DST: variants seen among roughly 807,000 people sequenced by gnomAD.
DST encodes dystonin.
A neutral mutation model predicts 875.2 loss-of-function variants in DST; 253 were observed. That is an observed-to-expected ratio of 0.29 (90% CI 0.26 to 0.32). The LOEUF is 0.32. Among genes scored for constraint, DST ranks in the 10% least tolerant of loss-of-function variants. The probability of loss-of-function intolerance (pLI) is 1.00; values close to 1 mark genes in which losing one functional copy is unlikely to be tolerated. For missense variants in DST, 8,287 were observed against 9,111.6 expected (o/e 0.91, Z 3.68); for synonymous variants, 3,124 against 3,197.1 (o/e 0.98, Z 0.77).
At chr6:56,529,419 A>G (rs1440275267) in intron 66 of DST, 29 bp downstream of exon 66, 1 of 1,396,642 alleles carries the variant, frequency 7.2e-7, no homozygotes, top group Non-Finnish European at 9.4e-7. Flanking sequence ...AAATGAAAAA[A>G]TAAGATAAAA....
At chr6:56,795,115 G>A (rs1006842407) in intron 4 of DST, among the ~76,000 whole-genome samples, 1 of 152,258 alleles carries the variant, frequency 6.6e-6, no homozygotes, top group Admixed American at 6.5e-5. Context: ...GCAAGGAAGG[G>A]AGATAAAAAG....
chr6:56,476,451 T>A, intron 91 of DST, 114 bp from the exon 92 acceptor site: 1 of 919,422 alleles, frequency 1.1e-6, no homozygotes, highest in Non-Finnish European at 1.6e-6. Context: ...GCTAGACCCA[T>A]AATGCTTCTG....
At chr6:56,641,672 A>G (rs1342837057) in intron 17 of DST, among the ~76,000 whole-genome samples, 6 of 152,214 alleles carry the variant, frequency 3.9e-5, no homozygotes, top group Non-Finnish European at 5.9e-5. Context: ...AAATGTATGC[A>G]TGTAACTTAC....
At chr6:56,649,331 T>C (rs886993630) in intron 12 of DST, among the ~76,000 whole-genome samples, 1 of 152,202 alleles carries the variant, frequency 6.6e-6, no homozygotes, top group African/African-American at 2.4e-5. Flanking sequence ...CTTTAAGATA[T>C]AATACCTATT....
intron 63 of DST, among the ~76,000 whole-genome samples, chr6:56,534,205 T>A (rs866344315): frequency 3.9e-5 from 6 of 152,114 alleles, no homozygotes; most frequent in South Asian, 2.1e-4. Context: ...TTAAAAAAAA[T>A]TAATGTAAAA....
intron 4 of DST, among the ~76,000 whole-genome samples, chr6:56,832,269 G>C (rs2099788063): frequency 6.6e-6 from 1 of 152,206 alleles, no homozygotes; most frequent in Non-Finnish European, 1.5e-5. Context: ...GAGGGACCCA[G>C]TGGGAGGTAA....
At chr6:56,557,650 T>C in intron 58 of DST, 132 bp from the exon 59 acceptor site, 1 of 733,382 alleles carries the variant, frequency 1.4e-6, no homozygotes, top group Admixed American at 3.0e-5. Flanking sequence ...TCTTGTTACA[T>C]AGTTACTTAA....
intron 4 of DST, among the ~76,000 whole-genome samples, chr6:56,759,468 A>C (rs184167272): frequency 5.5e-4 from 84 of 152,272 alleles, no homozygotes; most frequent in Non-Finnish European, 1.0e-3. Context: ...ATAAATAAAT[A>C]AATCAAAAAC....
chr6:56,597,889 C>G lies in DST; in HGVS notation c.12046G>C (p.Glu4016Gln). ...RAGTKHKQVI[E>Q]QNGTHFQEGD... ...TCTTGAAAATGGGTCCCGTTCTGTTCGATTACCTGTTTGTGTTTTGTCCCT... is the reference window on the plus strand; with the variant it reads ...TCTTGAAAATGGGTCCCGTTCTGTTGGATTACCTGTTTGTGTTTTGTCCCT... Residue 4016 changes from glutamate (E) to glutamine (Q), a missense_variant, in exon 47 of 104, where the codon GAA (glutamate) becomes CAA (glutamine). Physicochemically the swap from Glu to Gln is conservative, Grantham distance 29. Coordinates refer to ENST00000680361, the MANE Select transcript of DST (RefSeq NM_001374736.1). 2 of 1,613,732 alleles carry G rather than the reference C, an allele frequency of 1.2e-6. No homozygotes were observed. Among genetic ancestry groups the G allele is most frequent in the Non-Finnish European group, 8.5e-7 (1 of 1,179,752 alleles).
chr6:56,812,110 AAAAG>A (rs1219774261), intron 4 of DST, among the ~76,000 whole-genome samples: 23 of 59,264 alleles, frequency 3.9e-4, no homozygotes, highest in African/African-American at 1.2e-3. Flanking sequence ...TCAAAAAAAA[AAAAG>A]AAAAGAAAAG....
chr6:56,570,862 T>C (rs2097769717), intron 53 of DST, among the ~76,000 whole-genome samples: 1 of 152,194 alleles, frequency 6.6e-6, no homozygotes, highest in East Asian at 1.9e-4. Flanking sequence ...CCCCTTTATG[T>C]GATGCTGAAT....
Position 56,618,304 on chromosome 6 carries a change from AG to A in DST, c.4930-3821del. On this transcript the variant is annotated intron_variant, in intron 36 of 103. Coordinates refer to ENST00000680361, the MANE Select transcript of DST (RefSeq NM_001374736.1). Reference sequence around the variant, plus strand: ...GTGGTTCTTGAGTCCATCTCAACAGAGGGGATCTGGGTGTTGGGTGAAGGTG... The same window carrying A: ...GTGGTTCTTGAGTCCATCTCAACAGAGGGATCTGGGTGTTGGGTGAAGGTG... 7 of 1,614,044 alleles carry A rather than the reference AG, an allele frequency of 4.3e-6. No individual in the cohort carries two copies. Among genetic ancestry groups the A allele is most frequent in the Non-Finnish European group, 5.9e-6 (7 of 1,179,996 alleles).
chr6:56,561,269 C>G (rs1038513835), intron 57 of DST, 39 bp downstream of exon 57: 2 of 1,561,058 alleles, frequency 1.3e-6, no homozygotes, highest in Admixed American at 1.9e-5. Flanking sequence ...CTAATCCATT[C>G]TCTTTCATGT....
intron 2 of DST, among the ~76,000 whole-genome samples, chr6:56,947,486 G>A (rs1357258112): frequency 6.6e-6 from 1 of 152,096 alleles, no homozygotes; most frequent in Admixed American, 6.5e-5. Flanking sequence ...CTGATCTTGT[G>A]ATTCACCCAC....
chr6:56,581,503 G>A (rs985841324), intron 49 of DST, among the ~76,000 whole-genome samples: 25 of 152,142 alleles, frequency 1.6e-4, no homozygotes, highest in Non-Finnish European at 2.2e-4. Flanking sequence ...AGCAGTCCCC[G>A]CGTATCTCTG....
chr6:56,865,680 G>T (rs1773660399), intron 3 of DST, among the ~76,000 whole-genome samples: 2 of 151,998 alleles, frequency 1.3e-5, no homozygotes, highest in African/African-American at 4.8e-5. Flanking sequence ...GAAAGTAAAA[G>T]CTCATTACTG....
chr6:56,611,603 G>C lies in DST; in HGVS notation c.5059-7C>G. 5 of 1,585,532 alleles carry C rather than the reference G, an allele frequency of 3.2e-6. No individual in the cohort carries two copies. Among genetic ancestry groups the C allele is most frequent in the Non-Finnish European group, 4.3e-6 (5 of 1,156,432 alleles). The stretch of plus-strand genomic sequence containing the variant: ...ATATTTCCTCACTGGAAATCTGTAA[G>C]GTAAAGAAGGCACATTCAAACTCTT... On this transcript the variant is annotated splice_polypyrimidine_tract_variant and splice_region_variant and intron_variant, in intron 37 of 103. Transcript: ENST00000680361.
Position 56,485,323 on chromosome 6 carries a change from C to G in DST, c.21196G>C (p.Asp7066His), listed in dbSNP as rs771523826. 1.9e-6 allele frequency: 3 copies of G among 1,613,546 alleles called. No homozygotes were observed. The change falls in exon 88 of 104, where the codon GAT (aspartate) becomes CAT (histidine). Residue 7066 changes from aspartate to histidine, a missense_variant. Asp to His is a moderately conservative substitution (Grantham distance 81). Transcript: ENST00000680361. The part of the protein sequence containing the change: ...GDIDLVMNLI[D>H]NHKAFQKELG... ...CCAGATAACAATACCTTGTGATTAT[C>G]GATCAGATTCATCACCAAATCAATG...
intron 5 of DST, among the ~76,000 whole-genome samples, chr6:56,709,582 A>G (rs958419520): frequency 1.3e-5 from 2 of 152,198 alleles, no homozygotes; most frequent in African/African-American, 4.8e-5. Flanking sequence ...TTGACTTCCC[A>G]TTATTTAAAC....
Sources: allele counts gnomAD v4.1 joint callset (sites outside exome capture counted in the v4.1 genomes callset), GRCh38; gene constraint gnomAD v4.1.1; transcripts MANE v1.5; gene names NCBI Gene and HGNC (gene_info 2026-07-23, HGNC 2026-07-21).